CWC22: variants seen among roughly 807,000 people sequenced by gnomAD.
The protein encoded by CWC22 is pre-mRNA-splicing factor CWC22 homolog.
A neutral mutation model predicts 117.2 loss-of-function variants in CWC22; 53 were observed. The observed-to-expected ratio is 0.45, with a 90% confidence interval of 0.36 to 0.57. The LOEUF is 0.57. Among genes scored for constraint, CWC22 ranks in the 20% least tolerant of loss-of-function variants. The pLI is 0.00. For missense variants in CWC22, 980 were observed against 1,068.8 expected, an observed-to-expected ratio of 0.92 and a Z score of 1.16; for synonymous variants, 360 against 355.6, an observed-to-expected ratio of 1.01 and a Z score of -0.14.
intron 4 of CWC22, among the ~76,000 whole-genome samples, chr2:179,985,172 C>A (rs1235107729): frequency 1.3e-5 from 2 of 151,992 alleles, no homozygotes; most frequent in East Asian, 3.9e-4. Context: ...GGAATCTATT[C>A]TCTTTCTACT....
chr2:179,965,811 TAGA>T, intron 12 of CWC22, 64 bp downstream of exon 12: 1 of 1,227,466 alleles, frequency 8.1e-7, no homozygotes, highest in Middle Eastern at 2.1e-4. Context: ...ACTATTGTTT[TAGA>T]AGATTACATT....
intron 13 of CWC22, among the ~76,000 whole-genome samples, chr2:179,963,784 T>C (rs1559288328): frequency 6.6e-6 from 1 of 152,240 alleles, no homozygotes; most frequent in Non-Finnish European, 1.5e-5. Context: ...AGATGACTCC[T>C]ACTTATGAAT....
chr2:179,965,534 T>C (rs1011713017), intron 12 of CWC22, among the ~76,000 whole-genome samples: 5 of 152,226 alleles, frequency 3.3e-5, no homozygotes, highest in Admixed American at 2.0e-4. Flanking sequence ...ATAAATCACA[T>C]GAACTCAATA....
At chr2:179,955,499 C>A (rs1686564260) in intron 14 of CWC22, among the ~76,000 whole-genome samples, 1 of 151,910 alleles carries the variant, frequency 6.6e-6, no homozygotes, top group Non-Finnish European at 1.5e-5. Flanking sequence ...TTAGTCTTTA[C>A]AGAGGCATAA....
At chr2:180,002,743 C>T (rs1265917378) in intron 1 of CWC22, among the ~76,000 whole-genome samples, 1 of 152,088 alleles carries the variant, frequency 6.6e-6, no homozygotes, top group Non-Finnish European at 1.5e-5. Context: ...TCTTAAAGAA[C>T]AAGTAGGAAT....
chr2:179,958,356 A>T (rs1686653883), intron 14 of CWC22, among the ~76,000 whole-genome samples: 1 of 147,834 alleles, frequency 6.8e-6, no homozygotes, highest in Non-Finnish European at 1.5e-5. Context: ...AAAAAGAATG[A>T]AGAAAATTAT....
At chr2:179,981,711 G>T in intron 5 of CWC22, 41 bp downstream of exon 5, 2 of 1,546,294 alleles carry the variant, frequency 1.3e-6, no homozygotes, top group South Asian at 2.3e-5. Flanking sequence ...ATTTTTCAAT[G>T]ACAATTTCAT....
chr2:179,950,174 A>G (rs1031086469), intron 19 of CWC22, among the ~76,000 whole-genome samples: 1 of 152,222 alleles, frequency 6.6e-6, no homozygotes, highest in African/African-American at 2.4e-5. Flanking sequence ...TAAAAGTAAA[A>G]AACTAAAATT....
In CWC22 at chr2:179,986,730, T is replaced by C; in HGVS notation, c.171A>G (p.Arg57=). ...TGCTACTATCATAAGAACGTCCTCT[T>C]CTTGAATGCTCATAGTCTGATCTGC... ...DYSRSDYEHS[R]RGRSYDSSME... Residue 57 remains arginine, a synonymous_variant, in exon 4 of 20, where the codon AGA becomes AGG. Coordinates refer to ENST00000410053, the MANE Select transcript of CWC22 (RefSeq NM_020943.3). 6.2e-7 allele frequency: 1 copy of C among 1,608,228 alleles called. No individual in the cohort carries two copies. The highest frequency in any genetic ancestry group is 8.5e-7 in the Non-Finnish European group (1 of 1,176,140).
intron 1 of CWC22, among the ~76,000 whole-genome samples, chr2:180,003,852 A>G (rs894281771): frequency 1.3e-5 from 2 of 152,230 alleles, no homozygotes; most frequent in Middle Eastern, 3.2e-3. Context: ...CGTTTTTGGT[A>G]TCTGTTCACT....
intron 8 of CWC22, among the ~76,000 whole-genome samples, 180 bp downstream of exon 8, chr2:179,973,013 A>G (rs1359035203): frequency 3.9e-5 from 6 of 152,010 alleles, no homozygotes; most frequent in African/African-American, 1.4e-4. Flanking sequence ...CATCTCAAAA[A>G]AAGAAAAAAA....
intron 2 of CWC22, among the ~76,000 whole-genome samples, chr2:179,992,742 A>G (rs576076988): frequency 6.6e-6 from 1 of 152,384 alleles, no homozygotes; most frequent in African/African-American, 2.4e-5. Flanking sequence ...CAATCAATAT[A>G]ACACATATAA....
chr2:179,946,162 G>A (rs1241970153), intron 19 of CWC22, among the ~76,000 whole-genome samples: 1 of 152,034 alleles, frequency 6.6e-6, no homozygotes, highest in Non-Finnish European at 1.5e-5. Context: ...CAATATTTCA[G>A]GCCAGGTACA....
intron 11 of CWC22, among the ~76,000 whole-genome samples, chr2:179,969,114 C>A (rs1181198276): frequency 1.3e-5 from 2 of 152,144 alleles, no homozygotes; most frequent in East Asian, 3.9e-4. Context: ...ACTTTCCAGG[C>A]ATTGGCCAAT....
At chr2:179,946,574 T>C (rs1288037222) in intron 19 of CWC22, among the ~76,000 whole-genome samples, 6 of 152,032 alleles carry the variant, frequency 3.9e-5, no homozygotes, top group Non-Finnish European at 1.5e-5. Flanking sequence ...ACAGAAATTT[T>C]ATAGCAAATG....
At chr2:179,971,186 A>G in intron 8 of CWC22, 110 bp from the exon 9 acceptor site, 1 of 720,512 alleles carries the variant, frequency 1.4e-6, no homozygotes, top group South Asian at 3.0e-5. Flanking sequence ...TATATTGCAC[A>G]TATGATGGGC....
intron 19 of CWC22, among the ~76,000 whole-genome samples, chr2:179,948,166 A>G (rs1686357064): frequency 6.6e-6 from 1 of 152,232 alleles, no homozygotes; most frequent in Admixed American, 6.5e-5. Context: ...AAAAGCACAC[A>G]GAAATCAAGT....
chr2:179,999,919 A>G (rs921144448), intron 1 of CWC22, among the ~76,000 whole-genome samples: 1 of 152,212 alleles, frequency 6.6e-6, no homozygotes, highest in African/African-American at 2.4e-5. Context: ...ATGCCAAAAT[A>G]TAATGGGAGG....
chr2:179,991,866 A>T (rs745823332), intron 2 of CWC22, among the ~76,000 whole-genome samples: 21 of 152,286 alleles, frequency 1.4e-4, no homozygotes, highest in Admixed American at 7.2e-4. Flanking sequence ...GACAGATGGA[A>T]CTACCTTAGG....
Sources: allele counts gnomAD v4.1 joint callset (sites outside exome capture counted in the v4.1 genomes callset), GRCh38; gene constraint gnomAD v4.1.1; transcripts MANE v1.5; gene names NCBI Gene and HGNC (gene_info 2026-07-23, HGNC 2026-07-21).